Variants in PCDHGB5 observed in about 807,000 individuals in gnomAD.
PCDHGB5 encodes the protein protocadherin gamma subfamily B, 5.
In PCDHGB5, 48 loss-of-function variants were observed where a neutral mutation model predicts 62.9. That is an observed-to-expected ratio of 0.76 (90% CI 0.61 to 0.97). The LOEUF (loss-of-function observed/expected upper bound fraction) is 0.97. Among genes scored for constraint, PCDHGB5 ranks in the 50% least tolerant of loss-of-function variants. PCDHGB5 has a pLI of 0.00. For synonymous variants in PCDHGB5, 474 were observed against 511.2 expected, an observed-to-expected ratio of 0.93 and a Z score of 0.98; for missense variants, 1,118 against 1,198.6, an observed-to-expected ratio of 0.93 and a Z score of 0.99.
chr5:141,462,240 A>G (rs375419703), intron 1 of PCDHGB5, among the ~76,000 whole-genome samples: 2 of 152,216 alleles, frequency 1.3e-5, no homozygotes, highest in South Asian at 4.1e-4. Context: ...GATTACAGGT[A>G]TGAGCCACCA....
In PCDHGB5 at chr5:141,477,605, T is replaced by A. The variant is rs1339408637; in HGVS notation, c.2398-17202T>A. On this transcript the variant is annotated intron_variant, in intron 1 of 3. Transcript: ENST00000617380. This position sits in a 1 kb window ranked among gnomAD's most constrained non-coding sequence, Gnocchi z 4.9. ...GAATGCTCGGCTTTCTTTCTTTCTCTTGGAGCAAGGAGCTGAAACCGGGCT... is the reference window on the plus strand; with the variant it reads ...GAATGCTCGGCTTTCTTTCTTTCTCATGGAGCAAGGAGCTGAAACCGGGCT... The A allele has an allele frequency of 6.2e-6, 10 of 1,614,102 alleles. No individual in the cohort carries two copies. In the South Asian group the frequency reaches 1.1e-4, roughly 18 times the overall value.
intron 1 of PCDHGB5, chr5:141,419,239 C>T (rs374093302): frequency 3.7e-6 from 6 of 1,614,008 alleles, no homozygotes; most frequent in East Asian, 2.2e-5. Context: ...ACCTGGTCCA[C>T]GTGCCAGAAA....
At chr5:141,450,998 T>C (rs2098703513) in intron 1 of PCDHGB5, among the ~76,000 whole-genome samples, 1 of 151,696 alleles carries the variant, frequency 6.6e-6, no homozygotes, top group Non-Finnish European at 1.5e-5. Flanking sequence ...CTAATTTTTT[T>C]GTATTTTTTT....
chr5:141,505,634 A>T, intron 3 of PCDHGB5, 153 bp downstream of exon 3: 6 of 971,426 alleles, frequency 6.2e-6, no homozygotes, highest in Non-Finnish European at 7.3e-6. Context: ...CCAAACATAA[A>T]GCCTGGAATT....
At chr5:141,478,127 C>A (rs1323163663) in intron 1 of PCDHGB5, 1 of 1,614,106 alleles carries the variant, frequency 6.2e-7, no homozygotes, top group South Asian at 1.1e-5. Flanking sequence ...CGAGGACTCT[C>A]CTGAAGCCCG....
chr5:141,431,991 A>T lies in PCDHGB5; in HGVS notation c.2397+31467A>T, dbSNP rs1046547219. On this transcript the variant is annotated intron_variant, in intron 1 of 3. Transcript: ENST00000617380. The surrounding 1 kb of genome is among the most constrained non-coding windows in gnomAD (Gnocchi z 4.8). ...AGTTTAGTCACAGACATAGTCTTGG[A>T]TAGGGAACAGGTTCCTAGCTACAAC... is the stretch of plus-strand genomic sequence containing the variant. 5 of 1,614,100 alleles carry T rather than the reference A, an allele frequency of 3.1e-6. No individual in the cohort carries two copies. Among genetic ancestry groups the T allele is most frequent in the Non-Finnish European group, 3.4e-6 (4 of 1,180,050 alleles).
intron 3 of PCDHGB5, among the ~76,000 whole-genome samples, chr5:141,510,691 T>C (rs1013489554): frequency 4.6e-5 from 7 of 152,138 alleles, no homozygotes; most frequent in African/African-American, 1.7e-4. Flanking sequence ...GGAGGTTAGG[T>C]AGACTTGCCC....
chr5:141,432,070 T>C lies in PCDHGB5; in HGVS notation c.2397+31546T>C. 6.2e-7 allele frequency: 1 copy of C among 1,614,136 alleles called. No homozygotes were observed. The highest frequency in any genetic ancestry group is 2.2e-5 in the East Asian group (1 of 44,860). ...CCCCGCCCCTATCCACGGAAACTCATATCTCGCTGAACGTGGCAGACACCA... is the reference window on the plus strand; with the variant it reads ...CCCCGCCCCTATCCACGGAAACTCACATCTCGCTGAACGTGGCAGACACCA... On this transcript the variant is annotated intron_variant, in intron 1 of 3. Transcript: ENST00000617380. The surrounding 1 kb of genome is among the most constrained non-coding windows in gnomAD (Gnocchi z 6.0).
intron 3 of PCDHGB5, among the ~76,000 whole-genome samples, chr5:141,510,504 G>A (rs371169260): frequency 1.3e-5 from 2 of 152,154 alleles, no homozygotes; most frequent in African/African-American, 4.8e-5. Flanking sequence ...AAGGAACTGA[G>A]AGCCCGTGTC....
intron 1 of PCDHGB5, chr5:141,423,923 G>C: frequency 8.0e-7 from 1 of 1,254,744 alleles, no homozygotes; most frequent in Non-Finnish European, 1.0e-6. Flanking sequence ...CAACTATGCT[G>C]GTTTGGTTTG....
intron 1 of PCDHGB5, chr5:141,405,577 T>C (rs1034475748): frequency 1.0e-5 from 6 of 597,580 alleles, no homozygotes; most frequent in Non-Finnish European, 1.8e-5. Context: ...GTAGAGTAGC[T>C]GGGACTACAG....
intron 1 of PCDHGB5, among the ~76,000 whole-genome samples, chr5:141,444,253 C>T (rs2154560603): frequency 7.0e-6 from 1 of 142,690 alleles, no homozygotes; most frequent in South Asian, 2.3e-4. Flanking sequence ...CTCACTGCAA[C>T]CTCCGCCTCC....
chr5:141,403,177 C>T, intron 1 of PCDHGB5: 3 of 1,614,008 alleles, frequency 1.9e-6, no homozygotes, highest in Non-Finnish European at 2.5e-6. Context: ...CGCAGCTTTT[C>T]TCTCTGAACC....
At chr5:141,400,681 T>A in intron 1 of PCDHGB5, 157 bp downstream of exon 1, 1 of 834,118 alleles carries the variant, frequency 1.2e-6, no homozygotes, top group Non-Finnish European at 1.9e-6. Context: ...CAGTAAATTG[T>A]GAGTTTTTAT....
Position 141,432,400 on chromosome 5 carries a change from G to C in PCDHGB5, c.2397+31876G>C, listed in dbSNP as rs139153105. ...ACCCGCCCCTCAGCAGCAACGTGTC[G>C]TTGAGCCTGTTCGTGCTGGACCAGA... is the stretch of plus-strand genomic sequence containing the variant. On this transcript the variant is annotated intron_variant, in intron 1 of 3. Coordinates refer to ENST00000617380, the MANE Select transcript of PCDHGB5 (RefSeq NM_018925.3). This position sits in a 1 kb window ranked among gnomAD's most constrained non-coding sequence, Gnocchi z 6.0. 1.2e-6 allele frequency: 2 copies of C among 1,614,240 alleles called. No individual in the cohort carries two copies. Among genetic ancestry groups the C allele is most frequent in the South Asian group, 2.2e-5 (2 of 91,090 alleles).
chr5:141,461,773 C>T (rs894271810), intron 1 of PCDHGB5, among the ~76,000 whole-genome samples: 3 of 152,108 alleles, frequency 2.0e-5, no homozygotes, highest in Non-Finnish European at 4.4e-5. Context: ...CCTGCCTCAG[C>T]CTCCCAAGTA....
chr5:141,438,180 A>G (rs2097937602), intron 1 of PCDHGB5, among the ~76,000 whole-genome samples: 1 of 152,204 alleles, frequency 6.6e-6, no homozygotes, highest in African/African-American at 2.4e-5. Context: ...AATATTTTAT[A>G]AAGGATGAGA....
chr5:141,409,462 C>T (rs377705841), intron 1 of PCDHGB5: 3 of 1,613,988 alleles, frequency 1.9e-6, no homozygotes, highest in Non-Finnish European at 2.5e-6. Flanking sequence ...AATACAATGT[C>T]ACCATCGTAG....
intron 1 of PCDHGB5, chr5:141,427,201 A>G (rs1272966114): frequency 4.4e-6 from 2 of 456,618 alleles, no homozygotes; most frequent in African/African-American, 4.0e-5. Flanking sequence ...GACTTAATAG[A>G]CTTCGAATTT....
Sources: allele counts gnomAD v4.1 joint callset (sites outside exome capture counted in the v4.1 genomes callset), GRCh38; gene constraint gnomAD v4.1.1; non-coding constraint Gnocchi (gnomAD v3.1); transcripts MANE v1.5; gene names NCBI Gene and HGNC (gene_info 2026-07-23, HGNC 2026-07-21).